The following RABGAP1L variants were observed in gnomAD, a reference collection of about 807,000 sequenced individuals.
RABGAP1L encodes RAB GTPase activating protein 1 like, also known as rab GTPase-activating protein 1-like.
In RABGAP1L, 63 loss-of-function variants were observed where a neutral mutation model predicts 137.7. That is an observed-to-expected ratio of 0.46 (90% CI 0.37 to 0.56). The LOEUF is 0.56. Ranked by LOEUF, RABGAP1L falls within the 20% of genes least tolerant of loss-of-function variation. The probability of loss-of-function intolerance (pLI) is 0.00; values close to 1 mark genes in which losing one functional copy is unlikely to be tolerated. For missense variants in RABGAP1L, 1,095 were observed against 1,244.0 expected, an observed-to-expected ratio of 0.88 and a Z score of 1.80; for synonymous variants, 431 against 433.7, an observed-to-expected ratio of 0.99 and a Z score of 0.08.
intron 14 of RABGAP1L, among the ~76,000 whole-genome samples, chr1:174,669,475 C>G (rs1161434453): frequency 6.6e-6 from 1 of 152,148 alleles, no homozygotes; most frequent in African/African-American, 2.4e-5. Flanking sequence ...TATGCAGAAG[C>G]TTTTTAGTTT....
intron 13 of RABGAP1L, among the ~76,000 whole-genome samples, chr1:174,575,832 T>C (rs1332842179): frequency 1.3e-5 from 2 of 151,906 alleles, no homozygotes; most frequent in Admixed American, 6.6e-5. Context: ...TCCAGGAGGG[T>C]CACCGCCTTC....
intron 13 of RABGAP1L, among the ~76,000 whole-genome samples, chr1:174,463,341 G>T (rs1656920577): frequency 6.6e-6 from 1 of 152,066 alleles, no homozygotes; most frequent in African/African-American, 2.4e-5. Flanking sequence ...CATAAAAAAT[G>T]ATGAGTTCAT....
At chr1:174,728,507 G>C (rs1421767021) in intron 17 of RABGAP1L, among the ~76,000 whole-genome samples, 2 of 151,596 alleles carry the variant, frequency 1.3e-5, no homozygotes, top group African/African-American at 2.4e-5. Context: ...TCTTGTTCAT[G>C]GATTGGAAGA....
intron 13 of RABGAP1L, among the ~76,000 whole-genome samples, chr1:174,524,249 A>T (rs571674078): frequency 6.6e-6 from 1 of 151,636 alleles, no homozygotes; most frequent in East Asian, 1.9e-4. Context: ...TAGTGGTTGT[A>T]CTGATTTATA....
chr1:174,711,462 G>A (rs1311203748), intron 17 of RABGAP1L, among the ~76,000 whole-genome samples: 2 of 152,088 alleles, frequency 1.3e-5, no homozygotes, highest in African/African-American at 4.8e-5. Flanking sequence ...TTCCAGGTGG[G>A]CGCGGGCTTG....
intron 17 of RABGAP1L, among the ~76,000 whole-genome samples, chr1:174,729,853 A>G (rs1200678117): frequency 6.6e-6 from 1 of 152,198 alleles, no homozygotes; most frequent in East Asian, 1.9e-4. Context: ...AAAAGGAAAC[A>G]CTTATACACT....
At chr1:174,347,260 GTTTC>G (rs1376614860) in intron 11 of RABGAP1L, among the ~76,000 whole-genome samples, 3 of 152,126 alleles carry the variant, frequency 2.0e-5, no homozygotes, top group East Asian at 1.9e-4. Flanking sequence ...TAAGTTCCAT[GTTTC>G]TTTATTTACT....
intron 19 of RABGAP1L, among the ~76,000 whole-genome samples, chr1:174,838,725 C>G (rs1026785531): frequency 6.6e-6 from 1 of 151,176 alleles, no homozygotes; most frequent in Non-Finnish European, 1.5e-5. Flanking sequence ...GTCAGGGGAT[C>G]GAGACCACAG....
At chr1:174,493,821 G>GAAAA (rs1216753395) in intron 13 of RABGAP1L, among the ~76,000 whole-genome samples, 33 of 89,568 alleles carry the variant, frequency 3.7e-4, no homozygotes, top group African/African-American at 6.2e-4. Context: ...GACCCTGTCT[G>GAAAA]AAAAAAAAAA....
Position 174,863,138 on chromosome 1 carries a change from C to T in RABGAP1L, c.2340+51178C>T, listed in dbSNP as rs113995498. Among the ~76,000 whole-genome samples the T allele has an allele frequency of 6.1e-3, 888 of 146,418 alleles. 16 individuals carry two copies. Among genetic ancestry groups the T allele is most frequent in the African/African-American group, 0.022 (855 of 39,702 alleles). Reference sequence around the variant, plus strand: ...CGAATTCCTGACCTCAAATGTTCCACCCACCTCGGCGTCCCAAAGTGCTGG... The same window carrying T: ...CGAATTCCTGACCTCAAATGTTCCATCCACCTCGGCGTCCCAAAGTGCTGG... On this transcript the variant is annotated intron_variant, in intron 19 of 25. Transcript: ENST00000681986.
intron 13 of RABGAP1L, among the ~76,000 whole-genome samples, chr1:174,560,057 C>G (rs1309855093): frequency 6.6e-6 from 1 of 152,012 alleles, no homozygotes; most frequent in Non-Finnish European, 1.5e-5. Flanking sequence ...TTGCTTCAGC[C>G]CGGGAGGCAG....
At chr1:174,962,775 G>T (rs1669277811) in intron 20 of RABGAP1L, among the ~76,000 whole-genome samples, 1 of 152,144 alleles carries the variant, frequency 6.6e-6, no homozygotes, top group African/African-American at 2.4e-5. Context: ...TTACTCAGGG[G>T]AGTCAAGATA....
intron 17 of RABGAP1L, among the ~76,000 whole-genome samples, chr1:174,749,887 A>T (rs960062835): frequency 8.6e-5 from 13 of 151,356 alleles, no homozygotes; most frequent in African/African-American, 2.9e-4. Flanking sequence ...ATTTTATTTT[A>T]TTTTTTTTGA....
chr1:174,441,246 A>G (rs1654106396), intron 13 of RABGAP1L, among the ~76,000 whole-genome samples: 1 of 152,022 alleles, frequency 6.6e-6, no homozygotes, highest in Non-Finnish European at 1.5e-5. Flanking sequence ...TTGTAAAAAA[A>G]AATGGCAATA....
chr1:174,842,233 G>T (rs1275584114), intron 19 of RABGAP1L, among the ~76,000 whole-genome samples: 1 of 152,102 alleles, frequency 6.6e-6, no homozygotes, highest in Non-Finnish European at 1.5e-5. Flanking sequence ...GAATTCTTCA[G>T]CATCTTCTAT....
intron 4 of RABGAP1L, 59 bp downstream of exon 4, chr1:174,231,414 A>T (rs1011620787): frequency 3.5e-6 from 5 of 1,448,610 alleles, no homozygotes; most frequent in Admixed American, 1.7e-5. Flanking sequence ...GGTGGTGAAG[A>T]TGTTATAGCA....
chr1:174,855,950 A>C (rs1365107233), intron 19 of RABGAP1L, among the ~76,000 whole-genome samples: 1 of 152,230 alleles, frequency 6.6e-6, no homozygotes, highest in Non-Finnish European at 1.5e-5. Context: ...CTTGAATTTA[A>C]CTGAAGTCCC....
At chr1:174,655,253 A>T (rs1206538095) in intron 14 of RABGAP1L, among the ~76,000 whole-genome samples, 1 of 152,230 alleles carries the variant, frequency 6.6e-6, no homozygotes, top group Non-Finnish European at 1.5e-5. Flanking sequence ...GATAGATTAG[A>T]AAAAGGATCC....
At chr1:174,572,811 A>G (rs1233453168) in intron 13 of RABGAP1L, among the ~76,000 whole-genome samples, 1 of 152,232 alleles carries the variant, frequency 6.6e-6, no homozygotes, top group Non-Finnish European at 1.5e-5. Flanking sequence ...TTTGGCAGCC[A>G]CACTTAAGGC....
Sources: gnomAD v4.1 joint callset for allele counts (sites outside exome capture counted in the v4.1 genomes callset) on GRCh38, gnomAD v4.1.1 for gene constraint, MANE v1.5 for transcripts, NCBI Gene and HGNC (gene_info 2026-07-23, HGNC 2026-07-21) for gene names.